The following AFF3 variants were observed in gnomAD, a reference collection of about 807,000 sequenced individuals.
AFF3 encodes AF4/FMR2 family member 3.
In AFF3, 32 loss-of-function variants were observed where a neutral mutation model predicts 129.7. The ratio of observed to expected loss-of-function variants is 0.25; its 90% confidence interval spans 0.19 to 0.33. The LOEUF (loss-of-function observed/expected upper bound fraction) is 0.33. AFF3 is among the 10% of genes least tolerant of loss of function. The pLI, the probability that AFF3 is intolerant of heterozygous loss-of-function variation, is 1.00. For synonymous variants in AFF3, 644 were observed against 635.4 expected (o/e 1.01, Z -0.20); for missense variants, 1,373 against 1,592.0 (o/e 0.86, Z 2.34).
chr2:100,085,085 T>C (rs917000942), intron 4 of AFF3, among the ~76,000 whole-genome samples: 1 of 151,586 alleles, frequency 6.6e-6, no homozygotes, highest in African/African-American at 2.4e-5. Context: ...AGACTAACTA[T>C]GATTTGATGA....
chr2:99,837,587 G>A, intron 7 of AFF3, 63 bp from the exon 8 acceptor site: 1 of 1,497,940 alleles, frequency 6.7e-7, no homozygotes, highest in South Asian at 1.1e-5. Flanking sequence ...CAGAAGACAT[G>A]CAAGGTTCCA....
intron 10 of AFF3, among the ~76,000 whole-genome samples, chr2:99,736,996 A>G (rs1680317871): frequency 6.6e-6 from 1 of 152,120 alleles, no homozygotes; most frequent in Non-Finnish European, 1.5e-5. Flanking sequence ...GGATTAACTA[A>G]TAATATTCAT....
intron 7 of AFF3, among the ~76,000 whole-genome samples, chr2:100,004,280 C>A (rs1681733271): frequency 6.6e-6 from 1 of 152,106 alleles, no homozygotes; most frequent in Non-Finnish European, 1.5e-5. Context: ...ATTGAGAGGA[C>A]ATTTTCATAC....
chr2:99,705,282 A>G (rs976055830), intron 11 of AFF3, among the ~76,000 whole-genome samples: 9 of 152,142 alleles, frequency 5.9e-5, no homozygotes, highest in African/African-American at 2.2e-4. Context: ...AGTAGTCACA[A>G]TGGTTGATGG....
At chr2:100,130,473 A>G (rs11885529) in intron 1 of AFF3, among the ~76,000 whole-genome samples, 78,997 of 152,050 alleles carry the variant, frequency 0.52, 20,825 homozygotes, top group East Asian at 0.64. Context: ...TAGAAAACAG[A>G]TTTCCCTTTC....
chr2:99,808,706 T>C (rs1056305096), intron 8 of AFF3, among the ~76,000 whole-genome samples: 1 of 152,158 alleles, frequency 6.6e-6, no homozygotes. Flanking sequence ...TTGCAATAAC[T>C]GCATTCTTAT....
At chr2:99,881,008 C>A (rs888261640) in intron 7 of AFF3, among the ~76,000 whole-genome samples, 1 of 152,170 alleles carries the variant, frequency 6.6e-6, no homozygotes, top group Non-Finnish European at 1.5e-5. Context: ...GCTATTCCAA[C>A]AGGCTTTCTA....
chr2:100,114,099 A>G (rs1182403905), intron 2 of AFF3, among the ~76,000 whole-genome samples: 1 of 152,188 alleles, frequency 6.6e-6, no homozygotes, highest in Non-Finnish European at 1.5e-5. Context: ...CAGGGGAACA[A>G]CTGAGAGTTG....
chr2:99,807,463 C>T (rs1266046679), intron 8 of AFF3, among the ~76,000 whole-genome samples: 1 of 152,172 alleles, frequency 6.6e-6, no homozygotes. Flanking sequence ...TTTCTGATAT[C>T]TCAGCTGGTG....
chr2:99,718,546 T>TA (rs140544521), intron 11 of AFF3, among the ~76,000 whole-genome samples: 26,547 of 152,132 alleles, frequency 0.17, 2,758 homozygotes, highest in South Asian at 0.24. Flanking sequence ...TAGTAGTCCT[T>TA]AGATTCTTAG....
intron 7 of AFF3, among the ~76,000 whole-genome samples, chr2:99,904,536 A>G (rs903311226): frequency 1.3e-5 from 2 of 152,174 alleles, no homozygotes; most frequent in Admixed American, 6.5e-5. Flanking sequence ...TGATATAACA[A>G]TATCAGACTC....
intron 19 of AFF3, among the ~76,000 whole-genome samples, chr2:99,566,882 T>C (rs1676018626): frequency 6.6e-6 from 1 of 151,950 alleles, no homozygotes; most frequent in African/African-American, 2.4e-5. Context: ...AAACCAGAAA[T>C]GCAGAGCAAA....
At chr2:100,010,070 G>A (rs1025834634) in intron 4 of AFF3, among the ~76,000 whole-genome samples, 17 of 152,228 alleles carry the variant, frequency 1.1e-4, no homozygotes, top group East Asian at 3.9e-4. Context: ...AAAGCCACTC[G>A]GTCTCTCTAC....
chr2:99,707,753 C>G, intron 11 of AFF3: 1 of 683,628 alleles, frequency 1.5e-6, no homozygotes, highest in Non-Finnish European at 1.8e-6. Flanking sequence ...GTCTGTGAAG[C>G]AGACTTTTTC....
intron 8 of AFF3, among the ~76,000 whole-genome samples, chr2:99,796,732 G>T (rs1685579447): frequency 6.6e-6 from 1 of 152,092 alleles, no homozygotes; most frequent in East Asian, 1.9e-4. Flanking sequence ...ACAAGTACAT[G>T]AAAAAATAAC....
intron 7 of AFF3, among the ~76,000 whole-genome samples, chr2:99,900,890 A>G (rs1178958689): frequency 6.6e-6 from 1 of 152,212 alleles, no homozygotes; most frequent in Admixed American, 6.5e-5. Flanking sequence ...CCGTGACGGC[A>G]GGTTGCTAGA....
chr2:99,805,332 T>G lies in AFF3; in HGVS notation c.921+32145A>C, dbSNP rs1478247345. Among the ~76,000 whole-genome samples the G allele has an allele frequency of 2.0e-5, 3 of 152,188 alleles. No homozygotes were observed. In the East Asian group the frequency reaches 5.8e-4, roughly 29 times the overall value. On this transcript the variant is annotated intron_variant, in intron 8 of 24. Coordinates refer to ENST00000672756, the MANE Select transcript of AFF3 (RefSeq NM_001386135.1). The stretch of plus-strand genomic sequence containing the variant: ...TTAAGTTCAACTTAAAGAAGAAACA[T>G]TTTTGAAAAGTGAGAAGTGTGTTAC...
intron 10 of AFF3, among the ~76,000 whole-genome samples, chr2:99,733,066 G>A (rs577824867): frequency 9.9e-5 from 15 of 151,956 alleles, no homozygotes; most frequent in East Asian, 7.7e-4. Flanking sequence ...GTGTGTGTGC[G>A]TGTATAACTT....
intron 13 of AFF3, among the ~76,000 whole-genome samples, chr2:99,604,211 C>A (rs1378299437): frequency 6.6e-6 from 1 of 152,030 alleles, no homozygotes; most frequent in Non-Finnish European, 1.5e-5. Context: ...AGCAAAAACA[C>A]AGAATTAACT....
Sources: allele counts gnomAD v4.1 joint callset (sites outside exome capture counted in the v4.1 genomes callset), GRCh38; gene constraint gnomAD v4.1.1; transcripts MANE v1.5; gene names NCBI Gene and HGNC (gene_info 2026-07-23, HGNC 2026-07-21).